The following IFT70A variants were observed in gnomAD, a reference collection of about 807,000 sequenced individuals.
IFT70A encodes intraflagellar transport 70A, also known as intraflagellar transport protein 70A.
the IFT70A span, chr2:177,614,156 ATAGAG>A: frequency 2.6e-5 from 4 of 152,260 alleles, no homozygotes; most frequent in South Asian, 2.1e-4. Context: ...GGTATCAAGT[ATAGAG>A]TAATCACTTA....
the IFT70A span, chr2:177,617,478 A>G: frequency 1.2e-6 from 2 of 1,614,042 alleles, no homozygotes; most frequent in Non-Finnish European, 1.7e-6. Flanking sequence ...CCTTTTTGAT[A>G]GCTTCATCAT....
chr2:177,617,843 G>C, the IFT70A span: 1 of 1,614,174 alleles, frequency 6.2e-7, no homozygotes, highest in South Asian at 1.1e-5. Flanking sequence ...AGGGTCACAG[G>C]GTCCAACTCT....
At chr2:177,618,392 G>A in the IFT70A span, 1 of 1,613,330 alleles carries the variant, frequency 6.2e-7, no homozygotes, top group Non-Finnish European at 8.5e-7. Context: ...TCCAGGAGAA[G>A]GAAGGCGACC....
the IFT70A span, chr2:177,615,955 T>C: frequency 2.6e-5 from 4 of 152,138 alleles, no homozygotes; most frequent in African/African-American, 9.6e-5. Flanking sequence ...ACTTAATATA[T>C]GTCAGTATCC....
At chr2:177,614,622 CACTT>C in the IFT70A span, 10 of 152,128 alleles carry the variant, frequency 6.6e-5, no homozygotes, top group Non-Finnish European at 1.2e-4. Context: ...ACTCACTTGA[CACTT>C]ACTGCTAAAA....
chr2:177,617,078 G>T, the IFT70A span: 1 of 1,613,324 alleles, frequency 6.2e-7, no homozygotes, highest in Non-Finnish European at 8.5e-7. Context: ...ATGCAGAGAT[G>T]GTACATTTTC....
chr2:177,617,537 G>C, the IFT70A span: 1 of 1,614,220 alleles, frequency 6.2e-7, no homozygotes, highest in Non-Finnish European at 8.5e-7. Flanking sequence ...CTCCGAAGCT[G>C]CTCAGTCAGC....
the IFT70A span, chr2:177,615,736 A>C: frequency 6.6e-6 from 1 of 152,162 alleles, no homozygotes. Context: ...GTTACAGCTA[A>C]AAGTAATTGT....
chr2:177,618,569 G>A, the IFT70A span: 9 of 1,598,438 alleles, frequency 5.6e-6, no homozygotes, highest in South Asian at 1.1e-5. Flanking sequence ...AGGCCGGCAC[G>A]GCTCCTGGGG....
At chr2:177,615,342 C>T in the IFT70A span, 6 of 152,138 alleles carry the variant, frequency 3.9e-5, no homozygotes, top group African/African-American at 1.4e-4. Flanking sequence ...AAGCAAATCT[C>T]CTCTTCCCGA....
chr2:177,618,323 C>T, the IFT70A span: 1 of 1,614,050 alleles, frequency 6.2e-7, no homozygotes, highest in Non-Finnish European at 8.5e-7. Context: ...GGCAGATCGC[C>T]CTCGCTATAC....
At chr2:177,614,283 A>G in the IFT70A span, 2 of 152,212 alleles carry the variant, frequency 1.3e-5, no homozygotes, top group African/African-American at 4.8e-5. Context: ...ATTATAGATT[A>G]CAGTAAGGCA....
At chr2:177,614,106 C>G in the IFT70A span, 1 of 152,020 alleles carries the variant, frequency 6.6e-6, no homozygotes, top group Non-Finnish European at 1.5e-5. Context: ...TCCAAAGGAG[C>G]TGATTTAATT....
the IFT70A span, chr2:177,617,351 C>G: frequency 1.4e-4 from 228 of 1,596,426 alleles, no homozygotes; most frequent in Non-Finnish European, 1.9e-4. Context: ...CAGAATTCCA[C>G]AGATTTGCGG....
chr2:177,618,699 C>T, the IFT70A span: 9 of 1,569,686 alleles, frequency 5.7e-6, no homozygotes, highest in Non-Finnish European at 6.9e-6. Context: ...TCAGACCAGC[C>T]ATAACCACCA....
At chr2:177,618,294 C>T in the IFT70A span, 53 of 1,614,074 alleles carry the variant, frequency 3.3e-5, no homozygotes, top group African/African-American at 5.3e-5. Context: ...GCAGCTGCTC[C>T]ACCAGGCTCC....
At chr2:177,618,006 C>G in the IFT70A span, 2 of 1,614,222 alleles carry the variant, frequency 1.2e-6, no homozygotes, top group Non-Finnish European at 1.7e-6. Flanking sequence ...CATCAAAGCC[C>G]TCGGTGGTCA....
At chr2:177,616,560 A>G in the IFT70A span, 7 of 712,490 alleles carry the variant, frequency 9.8e-6, no homozygotes, top group Admixed American at 3.5e-5. Flanking sequence ...ATTAAATGAA[A>G]AAGTTGCTCA....
the IFT70A span, chr2:177,617,719 A>G: frequency 1.9e-6 from 3 of 1,614,240 alleles, no homozygotes; most frequent in Non-Finnish European, 2.5e-6. Flanking sequence ...ACAGTAGAGC[A>G]GCAACAGGTT....
Sources: allele counts gnomAD v4.1 joint callset, GRCh38; gene constraint gnomAD v4.1.1; transcripts MANE v1.5; gene names NCBI Gene and HGNC (gene_info 2026-07-23, HGNC 2026-07-21).